NME8: variants seen among roughly 807,000 people sequenced by gnomAD.
NME8 encodes protein NME8.
A neutral mutation model predicts 82.3 loss-of-function variants in NME8; 72 were observed. The observed-to-expected ratio is 0.87, with a 90% confidence interval of 0.72 to 1.06. The LOEUF (loss-of-function observed/expected upper bound fraction) is 1.06, where lower values mean the gene tolerates loss of function less well. Ranked by LOEUF, NME8 falls within the 50% of genes least tolerant of loss-of-function variation. The pLI is 0.00. For synonymous variants in NME8, 267 were observed against 228.5 expected, an observed-to-expected ratio of 1.17 and a Z score of -1.52; for missense variants, 712 against 685.4, an observed-to-expected ratio of 1.04 and a Z score of -0.43.
intron 14 of NME8, among the ~76,000 whole-genome samples, chr7:37,886,668 A>G (rs1340064712): frequency 6.6e-6 from 1 of 152,164 alleles, no homozygotes; most frequent in Non-Finnish European, 1.5e-5. Flanking sequence ...GTTTAACAGC[A>G]TAACAGGGGT....
rs2242027 is a variant in NME8, at chr7:37,885,277, A to G, written c.1247+25A>G. The G allele has an allele frequency of 0.49, 694,993 of 1,427,886 alleles. 174,169 individuals are homozygous for G. Among genetic ancestry groups the G allele is most frequent in the East Asian group, 0.73 (32,041 of 43,622 alleles). The allele number at this position is 1,427,886 out of a possible 1,614,324, so 88.5% of individuals were successfully genotyped here. On this transcript the variant is annotated intron_variant, in intron 14 of 17. Transcript: ENST00000199447. ...GGTAGGATTCATACCATGGGTCACTATCTGTTTTCGTGGGCTCCATTTTAA... is the reference window on the plus strand; with the variant it reads ...GGTAGGATTCATACCATGGGTCACTGTCTGTTTTCGTGGGCTCCATTTTAA...
At chr7:37,856,591 A>G (rs1361837884) in intron 5 of NME8, among the ~76,000 whole-genome samples, 6 of 152,242 alleles carry the variant, frequency 3.9e-5, no homozygotes, top group Non-Finnish European at 7.3e-5. Context: ...CTATGTTAAT[A>G]TGGAAGAAGA....
intron 14 of NME8, among the ~76,000 whole-genome samples, chr7:37,886,825 C>A (rs1450971316): frequency 6.6e-6 from 1 of 150,748 alleles, no homozygotes; most frequent in Non-Finnish European, 1.5e-5. Context: ...GGTGTGGGAA[C>A]AGCCAAGGGC....
At chr7:37,865,681 A>C (rs577872128) in intron 10 of NME8, 64 bp downstream of exon 10, 7 of 1,130,470 alleles carry the variant, frequency 6.2e-6, no homozygotes, top group Non-Finnish European at 9.4e-6. Context: ...ATAAGCTTTA[A>C]ATCTTTATTA....
intron 12 of NME8, among the ~76,000 whole-genome samples, chr7:37,878,119 T>C (rs1422990199): frequency 1.3e-5 from 2 of 152,216 alleles, no homozygotes; most frequent in African/African-American, 4.8e-5. Context: ...ATGTCCTTTA[T>C]CAGATTAAGA....
intron 11 of NME8, among the ~76,000 whole-genome samples, chr7:37,876,541 G>T (rs2131959908): frequency 6.6e-6 from 1 of 152,074 alleles, no homozygotes; most frequent in Non-Finnish European, 1.5e-5. Flanking sequence ...ATAGGGAAAA[G>T]AAAAATTTTT....
In NME8 at chr7:37,858,769, A is replaced by G. The variant is rs562071330; in HGVS notation, c.270+1424A>G. 4.6e-5 allele frequency among the ~76,000 whole-genome samples: 7 copies of G among 152,218 alleles called. No homozygotes were observed. In the South Asian group the frequency reaches 1.0e-3, roughly 23 times the overall value. ...TGGGATAGTCGATAATATAGTTTGG[A>G]TATTTGTTTCCTCCAAATCTCATGC... On this transcript the variant is annotated intron_variant, in intron 6 of 17. Coordinates refer to ENST00000199447, the MANE Select transcript of NME8 (RefSeq NM_016616.5).
At chr7:37,877,189 A>G (rs1784868777) in intron 12 of NME8, among the ~76,000 whole-genome samples, 182 bp downstream of exon 12, 1 of 152,218 alleles carries the variant, frequency 6.6e-6, no homozygotes, top group African/African-American at 2.4e-5. Flanking sequence ...GTAGCTGAAG[A>G]GTTTACAAGG....
At chr7:37,897,859 G>A (rs191311317) in intron 17 of NME8, among the ~76,000 whole-genome samples, 15 of 151,968 alleles carry the variant, frequency 9.9e-5, no homozygotes, top group East Asian at 3.9e-4. Context: ...TGATGGCTGC[G>A]TAGTATTCCA....
intron 11 of NME8, among the ~76,000 whole-genome samples, chr7:37,874,265 T>G (rs1784814841): frequency 6.6e-6 from 1 of 152,286 alleles, no homozygotes; most frequent in African/African-American, 2.4e-5. Context: ...TAACAGCTGA[T>G]GAAGGACTCT....
At chr7:37,895,481 G>A (rs947409256) in intron 16 of NME8, among the ~76,000 whole-genome samples, 1 of 152,220 alleles carries the variant, frequency 6.6e-6, no homozygotes, top group Admixed American at 6.5e-5. Flanking sequence ...CTAGTGTTTC[G>A]CTGGGTCCTG....
chr7:37,858,628 A>G (rs1174089964), intron 6 of NME8, among the ~76,000 whole-genome samples: 1 of 152,076 alleles, frequency 6.6e-6, no homozygotes, highest in Non-Finnish European at 1.5e-5. Context: ...CAGAGGCAGA[A>G]TGGGCTTGGG....
chr7:37,886,867 A>C (rs1426581439), intron 14 of NME8, among the ~76,000 whole-genome samples: 2 of 151,822 alleles, frequency 1.3e-5, no homozygotes, highest in Non-Finnish European at 2.9e-5. Flanking sequence ...TAAGGCAAAA[A>C]AAAAACAAAA....
intron 12 of NME8, among the ~76,000 whole-genome samples, chr7:37,877,767 A>G (rs1784879250): frequency 6.6e-6 from 1 of 152,076 alleles, no homozygotes; most frequent in Admixed American, 6.6e-5. Context: ...CTTGGCCTCT[A>G]CTCACTAAAA....
intron 15 of NME8, among the ~76,000 whole-genome samples, chr7:37,891,497 T>C: frequency 6.6e-6 from 1 of 152,008 alleles, no homozygotes; most frequent in East Asian, 1.9e-4. Flanking sequence ...AAACATCTTA[T>C]TATTTTAAGT....
chr7:37,852,845 G>T (rs1018032450), intron 5 of NME8, among the ~76,000 whole-genome samples: 2 of 152,116 alleles, frequency 1.3e-5, no homozygotes, highest in Non-Finnish European at 2.9e-5. Context: ...ACTCATTTGG[G>T]TAAATACCAA....
intron 17 of NME8, among the ~76,000 whole-genome samples, chr7:37,897,508 T>G (rs1785247858): frequency 6.6e-6 from 1 of 152,186 alleles, no homozygotes; most frequent in South Asian, 2.1e-4. Flanking sequence ...TTCTTTCTTT[T>G]TATCTTTATT....
chr7:37,877,761 G>C (rs1361561986), intron 12 of NME8, among the ~76,000 whole-genome samples: 1 of 152,054 alleles, frequency 6.6e-6, no homozygotes, highest in African/African-American at 2.4e-5. Context: ...AGCATCCTTG[G>C]CCTCTACTCA....
intron 12 of NME8, among the ~76,000 whole-genome samples, chr7:37,881,755 T>C (rs1376253): frequency 0.47 from 71,093 of 152,032 alleles, 17,049 homozygotes; most frequent in East Asian, 0.74. Context: ...AAACGTTTTG[T>C]AGAATTCACT....
Sources: allele counts gnomAD v4.1 joint callset (sites outside exome capture counted in the v4.1 genomes callset), GRCh38; gene constraint gnomAD v4.1.1; transcripts MANE v1.5; gene names NCBI Gene and HGNC (gene_info 2026-07-23, HGNC 2026-07-21).